CDKAL1: variants seen among roughly 807,000 people sequenced by gnomAD.
The protein encoded by CDKAL1 is CDKAL1 threonylcarbamoyladenosine tRNA methylthiotransferase.
A neutral mutation model predicts 68.2 loss-of-function variants in CDKAL1; 32 were observed. The ratio of observed to expected loss-of-function variants is 0.47; its 90% CI spans 0.35 to 0.63. The LOEUF (loss-of-function observed/expected upper bound fraction) is 0.63. Ranked by LOEUF, CDKAL1 falls within the 30% of genes least tolerant of loss-of-function variation. CDKAL1 has a pLI of 0.00. For missense variants in CDKAL1, 606 were observed against 696.7 expected (o/e 0.87, Z 1.47); for synonymous variants, 234 against 244.3 (o/e 0.96, Z 0.39).
At chr6:21,079,057 G>A (rs1772237898) in intron 12 of CDKAL1, among the ~76,000 whole-genome samples, 1 of 152,114 alleles carries the variant, frequency 6.6e-6, no homozygotes, top group Non-Finnish European at 1.5e-5. Flanking sequence ...GAGGAAGAAT[G>A]GCTGTTACAG....
At chr6:20,839,485 C>T (rs548427491) in intron 8 of CDKAL1, among the ~76,000 whole-genome samples, 1 of 152,226 alleles carries the variant, frequency 6.6e-6, no homozygotes, top group Admixed American at 6.5e-5. Context: ...ATCCCAGCAT[C>T]GGAAACTACT....
chr6:20,622,626 C>A (rs1400059302), intron 4 of CDKAL1, among the ~76,000 whole-genome samples: 1 of 151,976 alleles, frequency 6.6e-6, no homozygotes, highest in Non-Finnish European at 1.5e-5. Flanking sequence ...TATTTTATTT[C>A]TTGTGTTTAG....
chr6:20,820,140 T>C (rs1168675858), intron 8 of CDKAL1, among the ~76,000 whole-genome samples: 2 of 152,166 alleles, frequency 1.3e-5, no homozygotes, highest in Non-Finnish European at 2.9e-5. Flanking sequence ...TGGAGGGTCA[T>C]GGGCCTCAAA....
chr6:21,005,669 T>C (rs1767685776), intron 11 of CDKAL1, among the ~76,000 whole-genome samples: 1 of 152,252 alleles, frequency 6.6e-6, no homozygotes, highest in Non-Finnish European at 1.5e-5. Context: ...TTTAATCCCA[T>C]GATATTGTTC....
chr6:21,195,227 A>G (rs955106595), intron 13 of CDKAL1, among the ~76,000 whole-genome samples: 1 of 151,802 alleles, frequency 6.6e-6, no homozygotes, highest in Non-Finnish European at 1.5e-5. Context: ...CAGGGGTGCA[A>G]TCTCATCTCA....
At chr6:20,969,209 C>A (rs561725403) in intron 10 of CDKAL1, among the ~76,000 whole-genome samples, 2 of 152,188 alleles carry the variant, frequency 1.3e-5, no homozygotes, top group South Asian at 4.2e-4. Context: ...TTACTAATAG[C>A]CTACTGTTGA....
chr6:21,176,648 G>A (rs921131980), intron 13 of CDKAL1, among the ~76,000 whole-genome samples: 15 of 149,212 alleles, frequency 1.0e-4, no homozygotes, highest in Admixed American at 7.3e-4. Context: ...TCCTGTACCC[G>A]TAGTCTGAGA....
chr6:20,847,413 T>G (rs1778415518), intron 9 of CDKAL1, among the ~76,000 whole-genome samples: 1 of 152,322 alleles, frequency 6.6e-6, no homozygotes, highest in Middle Eastern at 3.4e-3. Context: ...TCTTAATTAG[T>G]GTTTGTTTTT....
intron 15 of CDKAL1, among the ~76,000 whole-genome samples, chr6:21,218,684 C>G (rs1189697944): frequency 1.3e-5 from 2 of 152,190 alleles, no homozygotes; most frequent in Non-Finnish European, 2.9e-5. Context: ...CATAGTGCAG[C>G]TCACAGCATG....
chr6:20,570,600 T>C (rs892291889), intron 4 of CDKAL1, among the ~76,000 whole-genome samples: 8 of 152,078 alleles, frequency 5.3e-5, no homozygotes, highest in African/African-American at 9.7e-5. Context: ...AGAGTTTCAC[T>C]GTGTTGGCCA....
rs140934408 is a variant in CDKAL1, at chr6:20,737,050, T to G, written c.372-2469T>G. 4.7e-3 allele frequency among the ~76,000 whole-genome samples: 721 copies of G among 152,282 alleles called. 8 individuals are homozygous for G. The highest frequency in any genetic ancestry group is 0.029 in the Admixed American group (446 of 15,284). ...GATTCTTTCTACAGTATAAGCCCTCTCATTCTCCCAATTACAGAAATTATT... is the reference window on the plus strand; with the variant it reads ...GATTCTTTCTACAGTATAAGCCCTCGCATTCTCCCAATTACAGAAATTATT... On this transcript the variant is annotated intron_variant, in intron 5 of 15. Transcript: ENST00000274695.
At chr6:20,641,231 C>T (rs114601365) in intron 4 of CDKAL1, among the ~76,000 whole-genome samples, 1 of 151,866 alleles carries the variant, frequency 6.6e-6, no homozygotes. Flanking sequence ...TAAAAGGAAG[C>T]TATTGATTCC....
chr6:20,674,108 T>A (rs1169716401), intron 5 of CDKAL1, among the ~76,000 whole-genome samples: 4 of 152,226 alleles, frequency 2.6e-5, no homozygotes, highest in Non-Finnish European at 5.9e-5. Flanking sequence ...ACTGAACTTT[T>A]TTATAGTTTG....
intron 13 of CDKAL1, among the ~76,000 whole-genome samples, chr6:21,183,935 T>C (rs1243685263): frequency 6.6e-6 from 1 of 152,044 alleles, no homozygotes; most frequent in East Asian, 1.9e-4. Context: ...CCTGAAAAAC[T>C]GATACTTTAG....
chr6:21,034,147 A>G (rs899403261), intron 11 of CDKAL1, among the ~76,000 whole-genome samples: 9 of 152,174 alleles, frequency 5.9e-5, no homozygotes, highest in African/African-American at 1.9e-4. Context: ...TGACAATGCT[A>G]TAGAAAGAAG....
chr6:20,642,019 G>A (rs970397346), intron 4 of CDKAL1, among the ~76,000 whole-genome samples: 1 of 152,110 alleles, frequency 6.6e-6, no homozygotes, highest in Non-Finnish European at 1.5e-5. Context: ...GCTTGCACTG[G>A]ATAGTATCGC....
At chr6:20,937,468 C>A (rs1581867940) in intron 9 of CDKAL1, among the ~76,000 whole-genome samples, 1 of 152,206 alleles carries the variant, frequency 6.6e-6, no homozygotes, top group Admixed American at 6.5e-5. Flanking sequence ...ATTATGTAAT[C>A]TGCAGACCCT....
chr6:20,600,119 G>C (rs1766018423), intron 4 of CDKAL1, among the ~76,000 whole-genome samples: 1 of 152,030 alleles, frequency 6.6e-6, no homozygotes, highest in Non-Finnish European at 1.5e-5. Flanking sequence ...TTAATTTTGT[G>C]CACTTTATAT....
At chr6:20,856,144 A>G (rs1759325066) in intron 9 of CDKAL1, among the ~76,000 whole-genome samples, 1 of 152,216 alleles carries the variant, frequency 6.6e-6, no homozygotes, top group Non-Finnish European at 1.5e-5. Flanking sequence ...GTGGAGAGAA[A>G]TGCTGCTTAC....
Sources: gnomAD v4.1 joint callset for allele counts (sites outside exome capture counted in the v4.1 genomes callset) on GRCh38, gnomAD v4.1.1 for gene constraint, MANE v1.5 for transcripts, NCBI Gene and HGNC (gene_info 2026-07-23, HGNC 2026-07-21) for gene names.